Variants in SIM1 observed in about 807,000 individuals in gnomAD.
SIM1 encodes single-minded homolog 1.
In SIM1, 18 loss-of-function variants were observed where a neutral mutation model predicts 78.2. That is an observed-to-expected ratio of 0.23 (90% CI 0.16 to 0.34). SIM1 has a LOEUF of 0.34. Ranked by LOEUF, SIM1 falls within the 10% of genes least tolerant of loss-of-function variation. The pLI, the probability that SIM1 is intolerant of heterozygous loss-of-function variation, is 1.00. For synonymous variants in SIM1, 417 were observed against 385.2 expected (o/e 1.08, Z -0.97); for missense variants, 939 against 975.1 (o/e 0.96, Z 0.49).
At chr6:100,461,741 T>C (rs910719916) in intron 2 of SIM1, among the ~76,000 whole-genome samples, 6 of 152,214 alleles carry the variant, frequency 3.9e-5, no homozygotes, top group South Asian at 4.1e-4. Flanking sequence ...GGTATAATGG[T>C]AATTATCCCA....
intron 9 of SIM1, among the ~76,000 whole-genome samples, chr6:100,436,517 T>A (rs538079223): frequency 4.9e-4 from 74 of 152,292 alleles, no homozygotes; most frequent in Non-Finnish European, 9.3e-4. Flanking sequence ...TTGTGTTCAT[T>A]GGCAAGACAA....
intron 9 of SIM1, among the ~76,000 whole-genome samples, chr6:100,437,009 G>T (rs9390379): frequency 0.31 from 46,988 of 151,866 alleles, 7,484 homozygotes; most frequent in East Asian, 0.44. Context: ...GTGCTGGGAT[G>T]ACAGGCATGA....
At chr6:100,449,547 G>A (rs747877916) in intron 5 of SIM1, 44 bp downstream of exon 5, 5 of 1,589,146 alleles carry the variant, frequency 3.1e-6, no homozygotes, top group South Asian at 1.1e-5. Flanking sequence ...AACCACAAGC[G>A]GACTGCGATG....
At chr6:100,448,986 A>C (rs564683335) in intron 6 of SIM1, among the ~76,000 whole-genome samples, 1 of 152,292 alleles carries the variant, frequency 6.6e-6, no homozygotes, top group East Asian at 1.9e-4. Flanking sequence ...TCAACGTGAG[A>C]CCCATAGCTT....
chr6:100,447,181 T>C, intron 9 of SIM1, 87 bp downstream of exon 9: 1 of 1,498,224 alleles, frequency 6.7e-7, no homozygotes, highest in Non-Finnish European at 9.1e-7. Context: ...GCCCGAGCCT[T>C]GTCTAACCCG....
chr6:100,451,558 CAG>C (rs1157123292), intron 3 of SIM1, among the ~76,000 whole-genome samples: 2 of 152,000 alleles, frequency 1.3e-5, no homozygotes, highest in African/African-American at 4.8e-5. Flanking sequence ...TTGCAGAATG[CAG>C]ACAGTGATCT....
At chr6:100,417,395 T>C (rs532476839) in intron 10 of SIM1, among the ~76,000 whole-genome samples, 1 of 152,350 alleles carries the variant, frequency 6.6e-6, no homozygotes, top group Admixed American at 6.5e-5. Flanking sequence ...TCTAGCACTT[T>C]TTAATCCAAC....
intron 3 of SIM1, among the ~76,000 whole-genome samples, chr6:100,453,308 G>T (rs1772560625): frequency 6.6e-6 from 1 of 152,224 alleles, no homozygotes; most frequent in Non-Finnish European, 1.5e-5. Context: ...AGTTGCAGAT[G>T]TAGCTGAATT....
chr6:100,444,738 T>C (rs935205969), intron 9 of SIM1, among the ~76,000 whole-genome samples: 22 of 152,176 alleles, frequency 1.4e-4, no homozygotes, highest in African/African-American at 4.8e-4. Context: ...TGTTAGATAA[T>C]AATAACTTAT....
intron 11 of SIM1, among the ~76,000 whole-genome samples, chr6:100,392,129 G>T (rs1032825296): frequency 6.6e-6 from 1 of 152,156 alleles, no homozygotes; most frequent in Admixed American, 6.5e-5. Flanking sequence ...AGCCGAGATC[G>T]CGCCATTGCA....
intron 10 of SIM1, among the ~76,000 whole-genome samples, chr6:100,410,299 CTCT>C (rs1332757270): frequency 6.6e-6 from 1 of 152,174 alleles, no homozygotes; most frequent in African/African-American, 2.4e-5. Context: ...TTCTCCTCCT[CTCT>C]TCTTTTAAGC....
chr6:100,413,095 C>G (rs1410378890), intron 10 of SIM1, among the ~76,000 whole-genome samples: 3 of 152,336 alleles, frequency 2.0e-5, no homozygotes, highest in African/African-American at 7.2e-5. Context: ...ACCACAGATA[C>G]CACACTGACA....
chr6:100,451,884 G>A (rs192015416), intron 3 of SIM1, among the ~76,000 whole-genome samples: 4 of 152,308 alleles, frequency 2.6e-5, no homozygotes, highest in Admixed American at 2.6e-4. Flanking sequence ...ATTTAGATGT[G>A]TCCAGTTTGC....
At chr6:100,461,837 C>CTTTTT (rs1225684730) in intron 2 of SIM1, among the ~76,000 whole-genome samples, 2 of 72,882 alleles carry the variant, frequency 2.7e-5, no homozygotes, top group African/African-American at 1.1e-4. Context: ...TTCTTTCTTT[C>CTTTTT]TTTCTTTTTT....
At chr6:100,459,313 G>T (rs1245402481) in intron 2 of SIM1, among the ~76,000 whole-genome samples, 2 of 152,004 alleles carry the variant, frequency 1.3e-5, no homozygotes, top group African/African-American at 2.4e-5. Context: ...ATATAAATCC[G>T]CCTTGCAAAT....
At chr6:100,410,463 T>C (rs1434089391) in intron 10 of SIM1, among the ~76,000 whole-genome samples, 1 of 152,192 alleles carries the variant, frequency 6.6e-6, no homozygotes, top group East Asian at 1.9e-4. Context: ...CACTATGGAA[T>C]TGTGACATGC....
At chr6:100,416,108 C>T (rs1308352018) in intron 10 of SIM1, among the ~76,000 whole-genome samples, 1 of 152,130 alleles carries the variant, frequency 6.6e-6, no homozygotes, top group Admixed American at 6.5e-5. Flanking sequence ...ACTCTCTCAC[C>T]CTGAATCCTT....
intron 2 of SIM1, among the ~76,000 whole-genome samples, chr6:100,456,256 G>A (rs748673501): frequency 2.0e-5 from 3 of 152,190 alleles, no homozygotes; most frequent in Non-Finnish European, 4.4e-5. Flanking sequence ...GTCTCGAAGT[G>A]GGGTAGAGAC....
Position 100,396,101 on chromosome 6 carries a change from C to A in SIM1, c.1168-2212G>T, listed in dbSNP as rs377575494. The A allele has an allele frequency of 5.1e-6, 5 of 984,202 alleles. No homozygotes were observed. The African/African-American group carries it at 7.0e-5, about 14-fold the overall frequency. 61.0% of individuals were successfully genotyped at this position (984,202 alleles called of 1,614,324 possible). ...CCATCATCCTCTTCTTCCAGTGAACCCAGACTCTCTTTTCACAAGATATCG... is the reference window on the plus strand; with the variant it reads ...CCATCATCCTCTTCTTCCAGTGAACACAGACTCTCTTTTCACAAGATATCG... On this transcript the variant is annotated intron_variant, in intron 10 of 11. Coordinates refer to ENST00000369208, the MANE Select transcript of SIM1 (RefSeq NM_005068.3).
Sources: allele counts gnomAD v4.1 joint callset (sites outside exome capture counted in the v4.1 genomes callset), GRCh38; gene constraint gnomAD v4.1.1; transcripts MANE v1.5; gene names NCBI Gene and HGNC (gene_info 2026-07-23, HGNC 2026-07-21).